UBE2O: variants seen among roughly 807,000 people sequenced by gnomAD.
UBE2O encodes ubiquitin conjugating enzyme E2 O.
Under a neutral mutation model 125.8 loss-of-function variants are expected in UBE2O, and 15 were observed. The observed-to-expected ratio is 0.12, with a 90% CI of 0.08 to 0.18. UBE2O has a LOEUF of 0.18. Among genes scored for constraint, UBE2O ranks in the 10% least tolerant of loss-of-function variants. The probability of loss-of-function intolerance (pLI) is 1.00; values close to 1 mark genes in which losing one functional copy is unlikely to be tolerated. For missense variants in UBE2O, 1,280 were observed against 1,723.6 expected (o/e 0.74, Z 4.56); for synonymous variants, 708 against 703.2 (o/e 1.01, Z -0.11).
In UBE2O at chr17:76,402,671, T is replaced by C; in HGVS notation, c.617A>G (p.Tyr206Cys). The change falls in exon 4 of 18, where the codon TAT becomes TGT. Residue 206 changes from tyrosine (Y) to cysteine (C), a missense_variant. Physicochemically the swap from Tyr to Cys is radical, Grantham distance 194. This residue lies in a region of UBE2O where 206 missense variants were observed against 315.7 expected (regional missense o/e 0.65). Transcript: ENST00000319380. The surrounding 1 kb of genome is among the most constrained non-coding windows in gnomAD (Gnocchi z 5.4). Reference sequence around the variant, plus strand: ...GTAGACCTTCCCCAGCCAGCAGTCATAGGCAATGTAGTCCCCATACATGAA... The same window carrying C: ...GTAGACCTTCCCCAGCCAGCAGTCACAGGCAATGTAGTCCCCATACATGAA... ...WPFMYGDYIA[Y>C]DCWLGKVYDL... 1.9e-6 allele frequency: 3 copies of C among 1,614,112 alleles called. No homozygotes were observed. The highest frequency in any genetic ancestry group is 2.5e-6 in the Non-Finnish European group (3 of 1,180,004).
intron 1 of UBE2O, among the ~76,000 whole-genome samples, chr17:76,432,947 T>G (rs559235926): frequency 6.6e-5 from 10 of 152,116 alleles, no homozygotes; most frequent in Non-Finnish European, 1.5e-4. Context: ...TTGGTGAGCA[T>G]GTGGAGAAAC....
chr17:76,442,344 T>C (rs2073087426), intron 1 of UBE2O, among the ~76,000 whole-genome samples: 3 of 152,204 alleles, frequency 2.0e-5, no homozygotes, highest in Non-Finnish European at 4.4e-5. Flanking sequence ...AATAAATTAC[T>C]GTACATGGTC....
intron 1 of UBE2O, among the ~76,000 whole-genome samples, chr17:76,427,631 C>T (rs1158657263): frequency 6.6e-6 from 1 of 152,244 alleles, no homozygotes; most frequent in African/African-American, 2.4e-5. Flanking sequence ...GTTCTGCAAG[C>T]AAGAAGCTTC....
At chr17:76,428,405 T>C (rs1276724363) in intron 1 of UBE2O, among the ~76,000 whole-genome samples, 1 of 152,254 alleles carries the variant, frequency 6.6e-6, no homozygotes, top group Non-Finnish European at 1.5e-5. Context: ...TTTTAATCTG[T>C]TTCCTGGGAG....
chr17:76,396,485 T>A lies in UBE2O; in HGVS notation c.2452A>T (p.Ile818Phe). The change falls in exon 14 of 18, where the codon ATC becomes TTC. Residue 818 changes from isoleucine (I) to phenylalanine (F), a missense_variant. Coordinates refer to ENST00000319380, the MANE Select transcript of UBE2O (RefSeq NM_022066.4). The surrounding 1 kb of genome is among the most constrained non-coding windows in gnomAD (Gnocchi z 6.7). ...PKSFRELKEA[I>F]KILESLKNMT... is the part of the protein sequence containing the mutation. ...TTCTTGAGGCTCTCCAGGATCTTGA[T>A]GGCCTCTTTCAACTCCCGGAAGCTC... 5 of 1,614,020 alleles carry A rather than the reference T, an allele frequency of 3.1e-6. No individual in the cohort carries two copies. Among genetic ancestry groups the A allele is most frequent in the Non-Finnish European group, 4.2e-6 (5 of 1,179,986 alleles).
At chr17:76,397,464 A>T (rs1447610493) in intron 13 of UBE2O, among the ~76,000 whole-genome samples, 1 of 152,202 alleles carries the variant, frequency 6.6e-6, no homozygotes, top group Non-Finnish European at 1.5e-5. Flanking sequence ...AGAGCTTTCT[A>T]AAAAGGGTGG....
At chr17:76,427,156 C>T (rs1797877562) in intron 1 of UBE2O, among the ~76,000 whole-genome samples, 1 of 152,130 alleles carries the variant, frequency 6.6e-6, no homozygotes, top group African/African-American at 2.4e-5. Context: ...CCTCATACCA[C>T]CATCCATGTT....
chr17:76,449,190 G>T (rs1483220418), intron 1 of UBE2O, among the ~76,000 whole-genome samples: 1 of 152,224 alleles, frequency 6.6e-6, no homozygotes, highest in East Asian at 1.9e-4. Context: ...CTAAGATTAA[G>T]CCTTTACTCA....
chr17:76,447,815 T>G (rs1056043934), intron 1 of UBE2O, among the ~76,000 whole-genome samples: 4 of 152,156 alleles, frequency 2.6e-5, no homozygotes, highest in Non-Finnish European at 5.9e-5. Flanking sequence ...GGTGCCTCTT[T>G]GGTGCAGCAT....
chr17:76,427,366 T>C (rs537733710), intron 1 of UBE2O, among the ~76,000 whole-genome samples: 100 of 152,376 alleles, frequency 6.6e-4, no homozygotes, highest in African/African-American at 2.4e-3. Context: ...CCTTTTAAGA[T>C]GTATTCTGTC....
chr17:76,437,750 A>G (rs1446140497), intron 1 of UBE2O, among the ~76,000 whole-genome samples: 1 of 152,122 alleles, frequency 6.6e-6, no homozygotes, highest in Non-Finnish European at 1.5e-5. Context: ...CGACAAATAT[A>G]TATCATGATA....
intron 1 of UBE2O, among the ~76,000 whole-genome samples, chr17:76,432,290 C>T (rs1417690648): frequency 6.6e-6 from 1 of 152,178 alleles, no homozygotes; most frequent in Non-Finnish European, 1.5e-5. Flanking sequence ...ATGTTCCTGT[C>T]AATCCACAAA....
chr17:76,405,388 C>A lies in UBE2O; in HGVS notation c.478-72G>T, dbSNP rs1409249157. On this transcript the variant is annotated intron_variant, in intron 2 of 17. Transcript: ENST00000319380. The surrounding 1 kb of genome is among the most constrained non-coding windows in gnomAD (Gnocchi z 6.1). The stretch of plus-strand genomic sequence containing the variant: ...GTCACCAGGGGAGACCCAGCCCAGG[C>A]AACCCCAGCGCACCCCCTGCAGAGC... The A allele has an allele frequency of 4.7e-5, 71 of 1,518,290 alleles. No individual in the cohort carries two copies. Among genetic ancestry groups the A allele is most frequent in the Non-Finnish European group, 6.3e-5 (70 of 1,107,228 alleles). 94.1% of individuals were successfully genotyped at this position (1,518,290 alleles called of 1,614,324 possible).
chr17:76,426,839 T>C (rs982844754), intron 1 of UBE2O, among the ~76,000 whole-genome samples: 1 of 152,218 alleles, frequency 6.6e-6, no homozygotes, highest in African/African-American at 2.4e-5. Context: ...CTGGATACCA[T>C]TACTGTCCGC....
Position 76,425,438 on chromosome 17 carries a change from TTTGAAG to T in UBE2O, c.418-19872_418-19867del, listed in dbSNP as rs1458524356. ...CATCTTACCCTCTCAACTGTGCTCT[TTTGAAG>T]CAAATACTTTTTAATTTTTTAGCTG... On this transcript the variant is annotated intron_variant, in intron 1 of 17. Coordinates refer to ENST00000319380, the MANE Select transcript of UBE2O (RefSeq NM_022066.4). Among the ~76,000 whole-genome samples the T allele has an allele frequency of 2.0e-5, 3 of 152,304 alleles. No homozygotes were observed. The East Asian group carries it at 5.8e-4, about 29-fold the overall frequency.
rs909747887 is a variant in UBE2O, at chr17:76,395,909, G to T, written c.2810-48C>A. The T allele has an allele frequency of 6.2e-7, 1 of 1,610,322 alleles. No individual in the cohort carries two copies. Among genetic ancestry groups the T allele is most frequent in the Non-Finnish European group, 8.5e-7 (1 of 1,179,144 alleles). On this transcript the variant is annotated intron_variant, in intron 14 of 17. Coordinates refer to ENST00000319380, the MANE Select transcript of UBE2O (RefSeq NM_022066.4). The surrounding 1 kb of genome is among the most constrained non-coding windows in gnomAD (Gnocchi z 5.0). ...CAGTCCCTCATGGAGAGGCCCTGGA[G>T]CTCCATCTGCCAACCTGGCTGGACA... is the stretch of plus-strand genomic sequence containing the variant.
At chr17:76,423,294 G>A (rs1189238742) in intron 1 of UBE2O, among the ~76,000 whole-genome samples, 2 of 152,100 alleles carry the variant, frequency 1.3e-5, no homozygotes, top group African/African-American at 4.8e-5. Context: ...TGGGAGGATT[G>A]CTTAAGCCCA....
intron 3 of UBE2O, among the ~76,000 whole-genome samples, chr17:76,403,877 C>T (rs2072373410): frequency 6.6e-6 from 1 of 152,146 alleles, no homozygotes; most frequent in Admixed American, 6.5e-5. Flanking sequence ...GTGAGAAGGA[C>T]ATGAAAGCCA....
intron 1 of UBE2O, among the ~76,000 whole-genome samples, chr17:76,443,097 T>C (rs867294832): frequency 1.3e-5 from 2 of 152,138 alleles, no homozygotes; most frequent in South Asian, 4.1e-4. Context: ...CCAGACATAA[T>C]TCAGGAGGAA....
Sources: gnomAD v4.1 joint callset for allele counts (sites outside exome capture counted in the v4.1 genomes callset) on GRCh38, gnomAD v4.1.1 for gene constraint, gnomAD v4.1.1 regional missense constraint, Gnocchi (gnomAD v3.1) non-coding constraint, MANE v1.5 for transcripts, NCBI Gene and HGNC (gene_info 2026-07-23, HGNC 2026-07-21) for gene names.